Variants in WDR27 observed in about 807,000 individuals in gnomAD.
WDR27 encodes the protein WD repeat-containing protein 27.
Under a neutral mutation model 114.4 loss-of-function variants are expected in WDR27, and 100 were observed. The observed-to-expected ratio is 0.87, with a 90% CI of 0.74 to 1.03. The LOEUF is 1.03. Among genes scored for constraint, WDR27 ranks in the 50% least tolerant of loss-of-function variants. The probability of loss-of-function intolerance (pLI) is 0.00; values close to 1 mark genes in which losing one functional copy is unlikely to be tolerated. For missense variants in WDR27, 1,129 were observed against 1,092.9 expected (o/e 1.03, Z -0.47); for synonymous variants, 449 against 423.1 (o/e 1.06, Z -0.75).
Position 169,570,060 on chromosome 6 carries a change from G to A in WDR27, c.2645+2359C>T, listed in dbSNP as rs114362261. Among the ~76,000 whole-genome samples, 442 of 152,244 alleles carry A rather than the reference G, an allele frequency of 2.9e-3. 3 individuals are homozygous for A. Among genetic ancestry groups the A allele is most frequent in the African/African-American group, 0.01 (423 of 41,544 alleles). On this transcript the variant is annotated intron_variant, in intron 25 of 25. Transcript: ENST00000448612. ...CTGATGCCATCACATTGGGCACCAC[G>A]GAATGCCATTACCTCCTCATCTACC...
At chr6:169,624,789 G>A (rs1359687955) in intron 21 of WDR27, among the ~76,000 whole-genome samples, 1 of 152,100 alleles carries the variant, frequency 6.6e-6, no homozygotes, top group South Asian at 2.1e-4. Flanking sequence ...CATGAGACAC[G>A]TGAGCCGCAG....
intron 25 of WDR27, among the ~76,000 whole-genome samples, chr6:169,544,551 A>T (rs879378094): frequency 6.6e-6 from 1 of 150,866 alleles, no homozygotes; most frequent in East Asian, 2.0e-4. Context: ...CAATCCTCTT[A>T]CCTCAGCCTT....
chr6:169,679,096 A>C (rs558593469), intron 2 of WDR27, among the ~76,000 whole-genome samples: 2 of 152,314 alleles, frequency 1.3e-5, no homozygotes, highest in East Asian at 1.9e-4. Flanking sequence ...AAAATGTTTA[A>C]ATTTACCTAT....
chr6:169,635,779 T>C (rs1037213484), intron 19 of WDR27, among the ~76,000 whole-genome samples: 3 of 152,132 alleles, frequency 2.0e-5, no homozygotes, highest in Admixed American at 6.5e-5. Flanking sequence ...GGTGTGCTCA[T>C]GTTACACTCA....
intron 25 of WDR27, among the ~76,000 whole-genome samples, chr6:169,566,450 G>C (rs9371143): frequency 0.59 from 89,281 of 152,160 alleles, 29,135 homozygotes; most frequent in East Asian, 0.72. Flanking sequence ...GGGCCTCGAA[G>C]AGACTCTCAA....
intron 25 of WDR27, among the ~76,000 whole-genome samples, chr6:169,566,663 C>T (rs1376706414): frequency 6.6e-6 from 1 of 151,844 alleles, no homozygotes; most frequent in East Asian, 1.9e-4. Flanking sequence ...GTTGAGGCAA[C>T]GTTAGAGACT....
intron 25 of WDR27, among the ~76,000 whole-genome samples, chr6:169,463,404 C>T (rs945462416): frequency 6.6e-6 from 1 of 152,106 alleles, no homozygotes; most frequent in African/African-American, 2.4e-5. Flanking sequence ...CAAACCATAG[C>T]ATCACATATG....
intron 25 of WDR27, among the ~76,000 whole-genome samples, chr6:169,458,781 T>G (rs1784579207): frequency 6.9e-6 from 1 of 145,826 alleles, no homozygotes; most frequent in Non-Finnish European, 1.5e-5. Context: ...AGCAAGACCC[T>G]GTCTCAAAAA....
chr6:169,602,269 C>T lies in WDR27; in HGVS notation c.2374G>A (p.Ala792Thr), dbSNP rs201412987. The change falls in exon 23 of 26, where the codon GCT (alanine) becomes ACT (threonine). Residue 792 changes from alanine (A) to threonine (T), a missense_variant. Physicochemically the swap from Ala to Thr is moderately conservative, Grantham distance 58. Transcript: ENST00000448612. The part of the protein sequence containing the change: ...HPTRGYPCGI[A>T]FSPCGRFAAC... ...GCGAATCGTCCACAAGGACTGAAAG[C>T]GATTCCACATGGATAGCCGCGGGTT... 1.0e-4 allele frequency: 159 copies of T among 1,567,004 alleles called. 1 individual carries two copies. The African/African-American group carries it at 1.6e-3, about 16-fold the overall frequency.
chr6:169,548,681 C>T (rs1391717766), intron 25 of WDR27, among the ~76,000 whole-genome samples: 5 of 152,090 alleles, frequency 3.3e-5, no homozygotes, highest in Non-Finnish European at 1.5e-5. Context: ...CAAGACAGTG[C>T]TGTGTTGGAA....
chr6:169,691,424 C>T (rs929560854), intron 1 of WDR27, among the ~76,000 whole-genome samples: 2 of 152,008 alleles, frequency 1.3e-5, no homozygotes, highest in Non-Finnish European at 2.9e-5. Context: ...TCCAAAGCTA[C>T]CACAGTTACT....
At chr6:169,578,376 T>C (rs1802802036) in intron 24 of WDR27, among the ~76,000 whole-genome samples, 2 of 152,346 alleles carry the variant, frequency 1.3e-5, no homozygotes, top group South Asian at 2.1e-4. Flanking sequence ...TGTTTCAGCG[T>C]GGAAGCACTT....
At chr6:169,643,535 GT>G (rs1819713870) in intron 17 of WDR27, among the ~76,000 whole-genome samples, 161 bp downstream of exon 17, 1 of 152,196 alleles carries the variant, frequency 6.6e-6, no homozygotes, top group African/African-American at 2.4e-5. Flanking sequence ...GCCCTGTTTG[GT>G]TGAAGATCTC....
At chr6:169,552,094 T>A (rs1798217909) in intron 25 of WDR27, among the ~76,000 whole-genome samples, 1 of 152,042 alleles carries the variant, frequency 6.6e-6, no homozygotes, top group Non-Finnish European at 1.5e-5. Flanking sequence ...GAGGTCTCCC[T>A]CTCACTTGCT....
At chr6:169,576,126 T>C (rs117992939) in intron 24 of WDR27, among the ~76,000 whole-genome samples, 1,749 of 152,336 alleles carry the variant, frequency 0.011, 21 homozygotes, top group Non-Finnish European at 0.019. Context: ...ACTCCTAAAA[T>C]TCAATAACAT....
intron 1 of WDR27, among the ~76,000 whole-genome samples, chr6:169,699,366 A>G (rs1280290208): frequency 6.6e-6 from 1 of 152,150 alleles, no homozygotes; most frequent in Non-Finnish European, 1.5e-5. Flanking sequence ...ACATAACCTC[A>G]GGGTATCAGC....
chr6:169,681,006 CAAG>C (rs1372003177), intron 2 of WDR27, among the ~76,000 whole-genome samples: 1 of 152,154 alleles, frequency 6.6e-6, no homozygotes, highest in Non-Finnish European at 1.5e-5. Context: ...ATGAAATCCT[CAAG>C]AATATAGAAG....
chr6:169,448,649 GA>G, the WDR27 span, among the ~76,000 whole-genome samples: 20 of 152,202 alleles, frequency 1.3e-4, no homozygotes, highest in Admixed American at 1.3e-3. Flanking sequence ...CCCCTGGTGA[GA>G]AGAGGTGAAC....
At chr6:169,613,048 T>G (rs1810959019) in intron 22 of WDR27, among the ~76,000 whole-genome samples, 1 of 152,258 alleles carries the variant, frequency 6.6e-6, no homozygotes, top group Non-Finnish European at 1.5e-5. Context: ...TTTTATAAAA[T>G]GTATTTTCAA....
Sources: gnomAD v4.1 joint callset for allele counts (sites outside exome capture counted in the v4.1 genomes callset) on GRCh38, gnomAD v4.1.1 for gene constraint, MANE v1.5 for transcripts, NCBI Gene and HGNC (gene_info 2026-07-23, HGNC 2026-07-21) for gene names.